The following SIPA1L3 variants were observed in gnomAD, a reference collection of about 807,000 sequenced individuals.
The protein encoded by SIPA1L3 is signal-induced proliferation-associated 1-like protein 3.
SIPA1L3 carries 59 observed loss-of-function variants against 150.1 expected under a neutral mutation model. That is an observed-to-expected ratio of 0.39 (90% confidence interval 0.32 to 0.49). SIPA1L3 has a LOEUF of 0.49. Ranked by LOEUF, SIPA1L3 falls within the 20% of genes least tolerant of loss-of-function variation. The probability of loss-of-function intolerance (pLI) is 0.86; values close to 1 mark genes in which losing one functional copy is unlikely to be tolerated. For missense variants in SIPA1L3, 2,211 were observed against 2,489.5 expected (o/e 0.89, Z 2.38); for synonymous variants, 1,070 against 1,077.6 (o/e 0.99, Z 0.14).
intron 12 of SIPA1L3, among the ~76,000 whole-genome samples, chr19:38,147,667 C>G (rs927557168): frequency 2.0e-5 from 3 of 152,040 alleles, no homozygotes; most frequent in Admixed American, 1.3e-4. Flanking sequence ...TGCTTTTGTT[C>G]CTTAAGGCAA....
In SIPA1L3 at chr19:38,082,196, CA is replaced by C; in HGVS notation, c.632del (p.Gln211ArgfsTer12). 6.2e-7 allele frequency: 1 copy of C among 1,603,728 alleles called. No homozygotes were observed. The highest frequency in any genetic ancestry group is 1.7e-5 in the Admixed American group (1 of 60,024). ...EYGSTSSIDV[Q>X]GMPEQSFFDI... ...CGGGAGCACCTCGTCCATCGACGTG[CA>C]GGGCATGCCCGAGCAGAGCTTCTTC... On this transcript the variant is annotated frameshift_variant, in exon 3 of 22. Transcript: ENST00000222345. LOFTEE classifies it high-confidence loss of function.
In SIPA1L3 at chr19:38,206,453, C is replaced by T. The variant is rs937390034; in HGVS notation, c.*213C>T. On this transcript the variant is annotated 3_prime_UTR_variant, in exon 22 of 22. Coordinates refer to ENST00000222345, the MANE Select transcript of SIPA1L3 (RefSeq NM_015073.3). ...CCCCAGAGGGCGAAGTGGTCTCAGG[C>T]CTCCCTCCAAGCTGCCCAGCTGTGG... The T allele has an allele frequency of 1.3e-5, 7 of 557,792 alleles. No homozygotes were observed. The African/African-American group carries it at 1.4e-4, about 11-fold the overall frequency. The allele number at this position is 557,792 out of a possible 1,614,324, so 34.6% of individuals were successfully genotyped here.
intron 2 of SIPA1L3, among the ~76,000 whole-genome samples, chr19:38,035,491 G>A (rs777532291): frequency 1.7e-4 from 26 of 152,166 alleles, no homozygotes; most frequent in Non-Finnish European, 3.4e-4. Context: ...GCTTCTCCAG[G>A]GAGATGAAAG....
chr19:38,087,108 GA>G (rs1350003630), intron 3 of SIPA1L3, among the ~76,000 whole-genome samples: 1 of 152,238 alleles, frequency 6.6e-6, no homozygotes, highest in East Asian at 1.9e-4. Flanking sequence ...GAGGTGCACA[GA>G]TGGGCCTAGG....
At chr19:38,143,993 G>C (rs1315221881) in intron 12 of SIPA1L3, among the ~76,000 whole-genome samples, 2 of 152,106 alleles carry the variant, frequency 1.3e-5, no homozygotes, top group Non-Finnish European at 2.9e-5. Flanking sequence ...GCCACTCCCA[G>C]CTTCCTAGGG....
At chr19:38,041,585 T>C (rs1968924805) in intron 2 of SIPA1L3, among the ~76,000 whole-genome samples, 1 of 141,286 alleles carries the variant, frequency 7.1e-6, no homozygotes, top group African/African-American at 2.6e-5. Flanking sequence ...CCCCAGCTAA[T>C]TTTTGTATTT....
chr19:37,953,165 A>G (rs1407936575), intron 1 of SIPA1L3, among the ~76,000 whole-genome samples: 1 of 152,206 alleles, frequency 6.6e-6, no homozygotes, highest in African/African-American at 2.4e-5. Flanking sequence ...TCAGCTTACA[A>G]TCCTATCCAT....
intron 1 of SIPA1L3, among the ~76,000 whole-genome samples, chr19:37,969,753 T>A (rs2046937152): frequency 6.6e-6 from 1 of 152,138 alleles, no homozygotes; most frequent in Non-Finnish European, 1.5e-5. Flanking sequence ...CCTGACTGCT[T>A]GTCTTCTAGC....
At chr19:38,065,867 AGGCAACGTCTTGCTCTGTTGCCCGGG>A (rs1969566620) in intron 2 of SIPA1L3, among the ~76,000 whole-genome samples, 4 of 99,002 alleles carry the variant, frequency 4.0e-5, no homozygotes, top group African/African-American at 1.3e-4. Context: ...TTTATTTTTG[AGGCAACGTCTTGCTCTGTTGCCCGGG>A]TTTGATCTCT....
At chr19:38,125,413 A>G (rs1971149234) in intron 9 of SIPA1L3, among the ~76,000 whole-genome samples, 1 of 152,036 alleles carries the variant, frequency 6.6e-6, no homozygotes, top group Admixed American at 6.6e-5. Flanking sequence ...AGCAGGGACC[A>G]TGCCAGGCAC....
At chr19:38,009,791 G>A (rs1968054681) in intron 1 of SIPA1L3, among the ~76,000 whole-genome samples, 1 of 152,026 alleles carries the variant, frequency 6.6e-6, no homozygotes, top group African/African-American at 2.4e-5. Flanking sequence ...TTCCCCATCT[G>A]CTTTGGGGAT....
In SIPA1L3 at chr19:38,164,654, G is replaced by A; in HGVS notation, c.3956G>A (p.Ser1319Asn). 3 of 1,614,156 alleles carry A rather than the reference G, an allele frequency of 1.9e-6. No homozygotes were observed. The highest frequency in any genetic ancestry group is 2.5e-6 in the Non-Finnish European group (3 of 1,180,016). Residue 1319 changes from serine (S) to asparagine (N), a missense_variant, in exon 15 of 22, where the codon AGC becomes AAC. Physicochemically the swap from Ser to Asn is conservative, Grantham distance 46. Around this residue, in one of 5 missense-constraint regions of SIPA1L3, gnomAD observed 806 missense variants for 870.1 expected, o/e 0.93. Coordinates refer to ENST00000222345, the MANE Select transcript of SIPA1L3 (RefSeq NM_015073.3). This position sits in a 1 kb window ranked among gnomAD's most constrained non-coding sequence, Gnocchi z 4.1. ...ATCGACACCACCCTCTACACCTCCA[G>A]CCCTAGCTGCATGTCCCTGGCCAAG... is the stretch of plus-strand genomic sequence containing the variant. The part of the protein sequence containing the change: ...SGIDTTLYTS[S>N]PSCMSLAKAP...
rs567535510 is a variant in SIPA1L3 at position 38,196,228 on chromosome 19, T to C, written c.4841-2161T>C. Among the ~76,000 whole-genome samples the C allele has an allele frequency of 9.8e-4, 150 of 152,304 alleles. 4 individuals are homozygous for C. The South Asian group carries it at 0.029, about 30-fold the overall frequency. On this transcript the variant is annotated intron_variant, in intron 18 of 21. Coordinates refer to ENST00000222345, the MANE Select transcript of SIPA1L3 (RefSeq NM_015073.3). ...TCACACGGTGCTCCTGATGCCCTGCTCAGCAATGGCAGCCACTCCCGTGGC... is the reference window on the plus strand; with the variant it reads ...TCACACGGTGCTCCTGATGCCCTGCCCAGCAATGGCAGCCACTCCCGTGGC...
intron 1 of SIPA1L3, among the ~76,000 whole-genome samples, chr19:37,931,751 C>T (rs2046555878): frequency 6.6e-6 from 1 of 152,074 alleles, no homozygotes; most frequent in Admixed American, 6.6e-5. Flanking sequence ...AAGACTCTGT[C>T]TCAAAATAAA....
At chr19:38,006,271 C>G (rs144191595) in intron 1 of SIPA1L3, among the ~76,000 whole-genome samples, 2 of 152,082 alleles carry the variant, frequency 1.3e-5, no homozygotes, top group African/African-American at 4.8e-5. Context: ...CTGAAAGGCC[C>G]GAACCTAGAA....
At chr19:37,920,115 A>G (rs898697133) in intron 1 of SIPA1L3, among the ~76,000 whole-genome samples, 22 of 150,156 alleles carry the variant, frequency 1.5e-4, no homozygotes, top group African/African-American at 4.9e-4. Context: ...GCTGGAGTAC[A>G]GTGGCATGAT....
intron 14 of SIPA1L3, among the ~76,000 whole-genome samples, chr19:38,163,795 G>T (rs1015457993): frequency 1.3e-5 from 2 of 152,218 alleles, no homozygotes; most frequent in African/African-American, 4.8e-5. Context: ...AAGCATCAAA[G>T]CCCCATGGGC....
chr19:37,992,882 A>G (rs900421722), intron 1 of SIPA1L3, among the ~76,000 whole-genome samples: 8 of 152,146 alleles, frequency 5.3e-5, no homozygotes, highest in Non-Finnish European at 7.4e-5. Context: ...GGCTCCATTC[A>G]GGTCGCCTAC....
intron 2 of SIPA1L3, among the ~76,000 whole-genome samples, chr19:38,040,493 G>A (rs991707915): frequency 6.6e-6 from 1 of 152,046 alleles, no homozygotes; most frequent in Non-Finnish European, 1.5e-5. Context: ...CTGAGTAAAC[G>A]TGAACATATA....
Sources: gnomAD v4.1 joint callset for allele counts (sites outside exome capture counted in the v4.1 genomes callset) on GRCh38, gnomAD v4.1.1 for gene constraint, gnomAD v4.1.1 regional missense constraint, Gnocchi (gnomAD v3.1) non-coding constraint, MANE v1.5 for transcripts, NCBI Gene and HGNC (gene_info 2026-07-23, HGNC 2026-07-21) for gene names.